Variants in IFT81 observed in about 807,000 individuals in gnomAD.
The protein encoded by IFT81 is intraflagellar transport protein 81 homolog.
In IFT81, 72 loss-of-function variants were observed where a neutral mutation model predicts 102.6. The ratio of observed to expected loss-of-function variants is 0.70; its 90% CI spans 0.58 to 0.85. The LOEUF (loss-of-function observed/expected upper bound fraction) is 0.85. IFT81 is among the 40% of genes least tolerant of loss of function. The pLI is 0.00. For missense variants in IFT81, 723 were observed against 787.3 expected (o/e 0.92, Z 0.98); for synonymous variants, 237 against 242.7 (o/e 0.98, Z 0.22).
At chr12:110,150,267 C>T (rs1440955099) in intron 10 of IFT81, among the ~76,000 whole-genome samples, 4 of 151,932 alleles carry the variant, frequency 2.6e-5, no homozygotes, top group South Asian at 2.1e-4. Flanking sequence ...CCACCACGTC[C>T]GGCTCATTTT....
rs1897773020 is a variant in IFT81, at chr12:110,191,021, A to G, written c.1440A>G (p.Gly480=). The change falls in exon 13 of 19, where the codon GGA becomes GGG. Residue 480 remains glycine (G), a synonymous_variant. Coordinates refer to ENST00000242591, the MANE Select transcript of IFT81 (RefSeq NM_014055.4). ...ALKSEVDEMK[G]RTLDDMSEMV... ...AGAGTGAAGTTGATGAAATGAAAGG[A>G]CGAACATTGGATGATATGTCTGAAA... 7 of 1,609,510 alleles carry G rather than the reference A, an allele frequency of 4.3e-6. No individual in the cohort carries two copies. Among genetic ancestry groups the G allele is most frequent in the Non-Finnish European group, 4.2e-6 (5 of 1,178,444 alleles).
chr12:110,211,843 T>TA (rs1869490027), intron 18 of IFT81, among the ~76,000 whole-genome samples: 1 of 152,196 alleles, frequency 6.6e-6, no homozygotes, highest in African/African-American at 2.4e-5. Flanking sequence ...GCATCATAGG[T>TA]AGGGGTTGTT....
chr12:110,181,618 T>C (rs1439677686), intron 12 of IFT81, among the ~76,000 whole-genome samples: 2 of 152,208 alleles, frequency 1.3e-5, no homozygotes, highest in African/African-American at 4.8e-5. Context: ...ATATGTCAAT[T>C]CAGTCAGTAT....
At chr12:110,205,767 G>T in intron 17 of IFT81, 87 bp downstream of exon 17, 1 of 803,374 alleles carries the variant, frequency 1.2e-6, no homozygotes, top group Non-Finnish European at 1.9e-6. Context: ...TACAAATTTA[G>T]CATATTTAAG....
intron 11 of IFT81, among the ~76,000 whole-genome samples, chr12:110,167,128 C>T (rs969764276): frequency 6.6e-6 from 1 of 152,040 alleles, no homozygotes; most frequent in Non-Finnish European, 1.5e-5. Flanking sequence ...TTTAGCTCTT[C>T]TGATTGCAGA....
chr12:110,152,087 C>T (rs1297923382), intron 10 of IFT81, among the ~76,000 whole-genome samples: 1 of 152,112 alleles, frequency 6.6e-6, no homozygotes, highest in Non-Finnish European at 1.5e-5. Flanking sequence ...CATATGTTGA[C>T]CATTGAAATT....
chr12:110,136,587 A>G (rs1219923755), intron 7 of IFT81, among the ~76,000 whole-genome samples, 189 bp from the exon 8 acceptor site: 1 of 152,230 alleles, frequency 6.6e-6, no homozygotes, highest in African/African-American at 2.4e-5. Context: ...TTCCTTAAAA[A>G]ATGTATGTGA....
chr12:110,202,268 A>G (rs1351019459), intron 14 of IFT81, among the ~76,000 whole-genome samples: 1 of 152,204 alleles, frequency 6.6e-6, no homozygotes, highest in Non-Finnish European at 1.5e-5. Context: ...TGACTGAAAC[A>G]TCATCCCATG....
intron 11 of IFT81, among the ~76,000 whole-genome samples, chr12:110,179,773 T>TATATATACATACACACACACAC (rs774113734): frequency 2.0e-5 from 1 of 50,492 alleles, no homozygotes; most frequent in Non-Finnish European, 4.1e-5. Flanking sequence ...TATATATATA[T>TATATATACATACACACACACAC]ACACACACAC....
chr12:110,218,207 AG>A lies in IFT81; in HGVS notation c.2014del (p.Asp672ThrfsTer3). The A allele has an allele frequency of 1.3e-6, 2 of 1,562,968 alleles. No homozygotes were observed. Among genetic ancestry groups the A allele is most frequent in the Non-Finnish European group, 1.7e-6 (2 of 1,161,494 alleles). ...GGTCAGGTAATTCAGGAGGGTGGGGAGGACCGGCTAATACTGTGAATTCTTG... is the reference window on the plus strand; with the variant it reads ...GGTCAGGTAATTCAGGAGGGTGGGGAGACCGGCTAATACTGTGAATTCTTG... The part of the protein sequence containing the change: ...SIGQVIQEGG[E>X]DRLIL On this transcript the variant is annotated frameshift_variant, in exon 19 of 19. Coordinates refer to ENST00000242591, the MANE Select transcript of IFT81 (RefSeq NM_014055.4). LOFTEE classifies it high-confidence loss of function.
At chr12:110,200,735 G>A (rs1898222138) in intron 14 of IFT81, among the ~76,000 whole-genome samples, 1 of 152,020 alleles carries the variant, frequency 6.6e-6, no homozygotes, top group South Asian at 2.1e-4. Context: ...GGATGACGAG[G>A]TCAGGAGTTC....
At chr12:110,176,294 G>A (rs897477663) in intron 11 of IFT81, among the ~76,000 whole-genome samples, 2 of 151,902 alleles carry the variant, frequency 1.3e-5, no homozygotes, top group Non-Finnish European at 2.9e-5. Context: ...CCTGTACCCC[G>A]CCATGCCTCT....
rs199598499 is a variant in IFT81, at chr12:110,163,060, G to A, written c.1183G>A (p.Asp395Asn). The change falls in exon 11 of 19, where the codon GAT becomes AAT. Residue 395 changes from aspartate (D) to asparagine (N), a missense_variant. Asp to Asn is a conservative substitution (Grantham distance 23, BLOSUM62 1). Transcript: ENST00000242591. The part of the protein sequence containing the change: ...EFDGTEVLKG[D>N]EFKRYVNKLR... ...TGATGGTACTGAAGTTTTAAAGGGA[G>A]ATGAGGTAAGCTGAGCCATCTCATG... 1 of 1,613,566 alleles carries A rather than the reference G, an allele frequency of 6.2e-7. No individual in the cohort carries two copies.
At chr12:110,215,255 C>A (rs1347533628) in intron 18 of IFT81, among the ~76,000 whole-genome samples, 5 of 151,632 alleles carry the variant, frequency 3.3e-5, no homozygotes, top group African/African-American at 1.2e-4. Context: ...CACTCTGCCT[C>A]TGTGTCTCTG....
intron 8 of IFT81, among the ~76,000 whole-genome samples, chr12:110,137,919 G>A (rs896361696): frequency 6.6e-6 from 1 of 152,126 alleles, no homozygotes; most frequent in Admixed American, 6.6e-5. Context: ...TGCTAATGAC[G>A]TAGGTATCTC....
chr12:110,206,293 C>T (rs183807618), intron 17 of IFT81, among the ~76,000 whole-genome samples: 4 of 151,942 alleles, frequency 2.6e-5, no homozygotes, highest in Admixed American at 2.6e-4. Context: ...CAGCTTGTGG[C>T]GTACTGTAAT....
chr12:110,201,451 G>A (rs1898267403), intron 14 of IFT81, among the ~76,000 whole-genome samples: 1 of 149,450 alleles, frequency 6.7e-6, no homozygotes, highest in African/African-American at 2.5e-5. Flanking sequence ...TTTTTTTTGA[G>A]ACAGGGTCTT....
intron 8 of IFT81, among the ~76,000 whole-genome samples, chr12:110,143,034 C>CTTAA: frequency 6.6e-6 from 1 of 152,260 alleles, no homozygotes; most frequent in Non-Finnish European, 1.5e-5. Context: ...TCATGGGTCT[C>CTTAA]TTAAATGCTT....
chr12:110,174,372 T>G (rs554145340), intron 11 of IFT81, among the ~76,000 whole-genome samples: 133 of 149,490 alleles, frequency 8.9e-4, no homozygotes, highest in African/African-American at 3.1e-3. Context: ...AGAGAATTGC[T>G]TGAACCTGGG....
Sources: allele counts gnomAD v4.1 joint callset (sites outside exome capture counted in the v4.1 genomes callset), GRCh38; gene constraint gnomAD v4.1.1; transcripts MANE v1.5; gene names NCBI Gene and HGNC (gene_info 2026-07-23, HGNC 2026-07-21).